The following CCDC141 variants were observed in gnomAD, a reference collection of about 807,000 sequenced individuals.
CCDC141 encodes coiled-coil domain-containing protein 141.
In CCDC141, 168 loss-of-function variants were observed where a neutral mutation model predicts 181.0. That is an observed-to-expected ratio of 0.93 (90% confidence interval 0.82 to 1.05). The LOEUF is 1.05. Among genes scored for constraint, CCDC141 ranks in the 50% least tolerant of loss-of-function variants. The pLI, the probability that CCDC141 is intolerant of heterozygous loss-of-function variation, is 0.00. For synonymous variants in CCDC141, 666 were observed against 642.3 expected, an observed-to-expected ratio of 1.04 and a Z score of -0.56; for missense variants, 1,902 against 1,788.5, an observed-to-expected ratio of 1.06 and a Z score of -1.14.
At chr2:178,988,257 G>C (rs1331263486) in intron 2 of CCDC141, among the ~76,000 whole-genome samples, 1 of 146,958 alleles carries the variant, frequency 6.8e-6, no homozygotes, top group Non-Finnish European at 1.5e-5. Flanking sequence ...CTCATAGGTG[G>C]GAATTGAACA....
At chr2:178,883,937 C>G (rs971499241) in intron 11 of CCDC141, among the ~76,000 whole-genome samples, 3 of 152,002 alleles carry the variant, frequency 2.0e-5, no homozygotes, top group African/African-American at 7.3e-5. Flanking sequence ...ACACATCACA[C>G]AAGGCAGATT....
At chr2:178,933,978 C>G (rs1054684466) in intron 6 of CCDC141, among the ~76,000 whole-genome samples, 1 of 152,130 alleles carries the variant, frequency 6.6e-6, no homozygotes, top group African/African-American at 2.4e-5. Flanking sequence ...TTTAAAGAAA[C>G]AGGAAATCTA....
chr2:179,039,896 A>G lies in CCDC141; in HGVS notation c.225+7388T>C, dbSNP rs544874533. Among the ~76,000 whole-genome samples the G allele has an allele frequency of 2.8e-3, 421 of 152,290 alleles. 5 individuals are homozygous for G. The highest frequency in any genetic ancestry group is 9.8e-3 in the African/African-American group (409 of 41,552). On this transcript the variant is annotated intron_variant, in intron 2 of 23. Transcript: ENST00000443758. ...GGAATTTATATTTTCATTATTTTTAAAAGTCTTTTGTCAGCAAATCTGAAA... is the reference window on the plus strand; with the variant it reads ...GGAATTTATATTTTCATTATTTTTAGAAGTCTTTTGTCAGCAAATCTGAAA...
rs757382262 is a variant in CCDC141 at position 179,016,878 on chromosome 2, A to G, written c.225+30406T>C. On this transcript the variant is annotated intron_variant, in intron 2 of 23. Coordinates refer to ENST00000443758, the MANE Select transcript of CCDC141 (RefSeq NM_173648.4). ...CTGAGACTTCATATTTCTGAAGGGT[A>G]AAAGGTGCTACGTATGCTGAAGTTT... Among the ~76,000 whole-genome samples the G allele has an allele frequency of 2.6e-4, 40 of 152,176 alleles. 1 individual carries two copies. Among genetic ancestry groups the G allele is most frequent in the Middle Eastern group, 3.4e-3 (1 of 294 alleles).
intron 2 of CCDC141, among the ~76,000 whole-genome samples, chr2:178,992,451 A>T (rs530449078): frequency 6.6e-6 from 1 of 150,600 alleles, no homozygotes; most frequent in South Asian, 2.1e-4. Context: ...CTTCTTGAAC[A>T]GTCCTTTCCT....
intron 21 of CCDC141, among the ~76,000 whole-genome samples, chr2:178,846,727 G>T (rs947001749): frequency 6.6e-6 from 1 of 152,052 alleles, no homozygotes; most frequent in Non-Finnish European, 1.5e-5. Context: ...ATTGACTATT[G>T]GGGCCCATGT....
At chr2:178,845,478 G>C in intron 22 of CCDC141, 148 bp downstream of exon 22, 1 of 597,588 alleles carries the variant, frequency 1.7e-6, no homozygotes, top group African/African-American at 1.9e-5. Context: ...AAGGAAGCAA[G>C]GGAGGAGGAA....
intron 2 of CCDC141, among the ~76,000 whole-genome samples, chr2:179,037,386 T>G (rs2043173864): frequency 1.3e-5 from 2 of 152,214 alleles, no homozygotes; most frequent in Admixed American, 1.3e-4. Context: ...AAAACACTGC[T>G]ATGACATAGG....
intron 4 of CCDC141, among the ~76,000 whole-genome samples, chr2:178,970,353 C>T (rs970211716): frequency 2.0e-5 from 3 of 152,206 alleles, no homozygotes; most frequent in African/African-American, 4.8e-5. Flanking sequence ...AGGCATCCCA[C>T]TACCTGACTT....
chr2:178,959,985 T>C (rs1690325510), intron 5 of CCDC141, among the ~76,000 whole-genome samples: 1 of 152,212 alleles, frequency 6.6e-6, no homozygotes, highest in African/African-American at 2.4e-5. Flanking sequence ...TAACTGGTAT[T>C]AATTTGGTCC....
intron 2 of CCDC141, among the ~76,000 whole-genome samples, chr2:179,015,679 T>C (rs943457101): frequency 2.1e-5 from 3 of 141,380 alleles, no homozygotes; most frequent in Non-Finnish European, 1.5e-5. Context: ...ATATCTCATA[T>C]ATATCTCATA....
Position 178,879,418 on chromosome 2 carries a change from G to A in CCDC141, c.1720-1275C>T, listed in dbSNP as rs1384080244. On this transcript the variant is annotated intron_variant, in intron 11 of 23. Transcript: ENST00000443758. ...CTGCAAATAGCTCTCAGAAACAGAA[G>A]CTGTCTCCTCATTTCCATATTCCAT... Among the ~76,000 whole-genome samples the A allele has an allele frequency of 3.9e-5, 6 of 152,140 alleles. No homozygotes were observed. In the East Asian group the frequency reaches 1.2e-3, roughly 29 times the overall value.
At chr2:178,923,198 G>A (rs1336441700) in intron 6 of CCDC141, among the ~76,000 whole-genome samples, 13 of 148,420 alleles carry the variant, frequency 8.8e-5, no homozygotes, top group Non-Finnish European at 1.5e-4. Context: ...TCCGCCTCCC[G>A]GGTTCACGCC....
intron 2 of CCDC141, among the ~76,000 whole-genome samples, chr2:179,041,032 C>T (rs2043282361): frequency 1.3e-5 from 2 of 152,066 alleles, no homozygotes; most frequent in African/African-American, 2.4e-5. Flanking sequence ...TTCCTTTTCT[C>T]CAAATCCTCA....
At chr2:178,828,558 T>G (rs1007180784), downstream of CCDC141, among the ~76,000 whole-genome samples, 5 of 152,138 alleles carry the variant, frequency 3.3e-5, no homozygotes, top group African/African-American at 9.7e-5. Context: ...TGCATTCACT[T>G]GAATCAAAGG....
chr2:179,042,044 G>C (rs1460063716), intron 2 of CCDC141, among the ~76,000 whole-genome samples: 2 of 152,146 alleles, frequency 1.3e-5, no homozygotes, highest in African/African-American at 4.8e-5. Flanking sequence ...ATCCAGAGCT[G>C]AGTACAGCTC....
At chr2:178,999,361 A>G (rs1227841606) in intron 2 of CCDC141, among the ~76,000 whole-genome samples, 2 of 151,736 alleles carry the variant, frequency 1.3e-5, no homozygotes, top group Non-Finnish European at 2.9e-5. Flanking sequence ...TCCTTTCTCT[A>G]TTTCCATCCC....
rs1462460038 is a variant in CCDC141 at position 178,885,039 on chromosome 2, T to G, written c.1581A>C (p.Glu527Asp). ...AAAKTMMEKN[E>D]FVSDEMVSLS... ...GTGATACCATTTCATCAGATACAAA[T>G]TCATTTTTCTCCATCATGGTTTTTG... is the stretch of plus-strand genomic sequence containing the variant. Residue 527 changes from glutamate to aspartate, a missense_variant, in exon 11 of 24, where the codon GAA becomes GAC. Transcript: ENST00000443758. 1.3e-6 allele frequency: 2 copies of G among 1,550,286 alleles called. No individual in the cohort carries two copies.
chr2:178,934,546 A>G (rs76437738), intron 6 of CCDC141, among the ~76,000 whole-genome samples: 7,124 of 152,288 alleles, frequency 0.047, 213 homozygotes, highest in South Asian at 0.079. Context: ...TATAATTAAA[A>G]CAATTACCCA....
Sources: gnomAD v4.1 joint callset for allele counts (sites outside exome capture counted in the v4.1 genomes callset) on GRCh38, gnomAD v4.1.1 for gene constraint, MANE v1.5 for transcripts, NCBI Gene and HGNC (gene_info 2026-07-23, HGNC 2026-07-21) for gene names.